Variants in TTLL11 observed in about 807,000 individuals in gnomAD.
TTLL11 encodes tubulin tyrosine ligase like 11.
A neutral mutation model predicts 51.7 loss-of-function variants in TTLL11; 42 were observed. The observed-to-expected ratio is 0.81, with a 90% CI of 0.64 to 1.05. The LOEUF (loss-of-function observed/expected upper bound fraction) is 1.05, where lower values mean the gene tolerates loss of function less well. Ranked by LOEUF, TTLL11 falls within the 50% of genes least tolerant of loss-of-function variation. The probability of loss-of-function intolerance (pLI) is 0.00; values close to 1 mark genes in which losing one functional copy is unlikely to be tolerated. For synonymous variants in TTLL11, 381 were observed against 383.5 expected (o/e 0.99, Z 0.08); for missense variants, 799 against 940.4 (o/e 0.85, Z 1.97).
rs1207231392 is a variant in TTLL11 at position 121,822,978 on chromosome 9, C to G, written c.1841-99G>C. The G allele has an allele frequency of 6.8e-6, 9 of 1,326,304 alleles. No individual in the cohort carries two copies. In the East Asian group the frequency reaches 2.3e-4, roughly 34 times the overall value. 82.2% of individuals were successfully genotyped at this position (1,326,304 alleles called of 1,614,324 possible). Reference sequence around the variant, plus strand: ...CACAAGGATGTCAGCAAGAGCTAGCCCCGCTCCCCACCACCGTCTCCATTC... The same window carrying G: ...CACAAGGATGTCAGCAAGAGCTAGCGCCGCTCCCCACCACCGTCTCCATTC... On this transcript the variant is annotated intron_variant, in intron 8 of 8. Transcript: ENST00000321582. This position sits in a 1 kb window ranked among gnomAD's most constrained non-coding sequence, Gnocchi z 5.8.
At position 121,818,898 on chromosome 9, in the gene TTLL11, T is replaced by C. The variant is rs1836488821; in HGVS notation, c.*3689A>G. The C allele has an allele frequency of 6.6e-6, 1 of 152,510 alleles. No homozygotes were observed. Among genetic ancestry groups the C allele is most frequent in the Admixed American group, 6.5e-5 (1 of 15,290 alleles). 9.4% of individuals were successfully genotyped at this position (152,510 alleles called of 1,614,324 possible). Reference sequence around the variant, plus strand: ...AGGGAAGGGTGCCGATAAGGGCTGCTTTCAATAGGTGACTGGACGTCAGCT... The same window carrying C: ...AGGGAAGGGTGCCGATAAGGGCTGCCTTCAATAGGTGACTGGACGTCAGCT... On this transcript the variant is annotated 3_prime_UTR_variant, in exon 9 of 9. Coordinates refer to ENST00000321582, the MANE Select transcript of TTLL11 (RefSeq NM_001139442.2).
intron 6 of TTLL11, among the ~76,000 whole-genome samples, chr9:121,899,017 C>G (rs902081255): frequency 8.5e-5 from 13 of 152,130 alleles, no homozygotes; most frequent in Non-Finnish European, 1.6e-4. Flanking sequence ...GCTCCATCAG[C>G]CCCTGTGCTC....
At chr9:121,915,515 G>A (rs1043379388) in intron 6 of TTLL11, among the ~76,000 whole-genome samples, 14 of 152,278 alleles carry the variant, frequency 9.2e-5, no homozygotes, top group Admixed American at 7.8e-4. Context: ...TGCTTAGATA[G>A]ATGCCTGTCC....
chr9:121,991,557 A>T (rs1316233200), intron 3 of TTLL11, among the ~76,000 whole-genome samples: 1 of 152,238 alleles, frequency 6.6e-6, no homozygotes, highest in East Asian at 1.9e-4. Context: ...AAAAATGTCA[A>T]GTTTGCACTG....
chr9:121,908,843 T>A (rs1840024506), intron 6 of TTLL11, among the ~76,000 whole-genome samples: 1 of 152,226 alleles, frequency 6.6e-6, no homozygotes, highest in Non-Finnish European at 1.5e-5. Context: ...CTAAGGTAAT[T>A]AGGGCCTACT....
At chr9:121,938,301 A>T (rs930931109) in intron 6 of TTLL11, among the ~76,000 whole-genome samples, 2 of 151,926 alleles carry the variant, frequency 1.3e-5, no homozygotes, top group African/African-American at 2.4e-5. Flanking sequence ...AAAGAAAAAA[A>T]AAAAAATCAG....
At chr9:122,016,939 C>G (rs766715362) in intron 3 of TTLL11, among the ~76,000 whole-genome samples, 17 of 152,134 alleles carry the variant, frequency 1.1e-4, no homozygotes, top group Non-Finnish European at 2.5e-4. Flanking sequence ...GCATCCGCCT[C>G]GACTCTTCAC....
chr9:121,922,789 A>ATGTGTGTGTG (rs1840590732), intron 6 of TTLL11, among the ~76,000 whole-genome samples: 7 of 62,850 alleles, frequency 1.1e-4, no homozygotes, highest in Non-Finnish European at 2.2e-4. Context: ...GTGTGTGTGC[A>ATGTGTGTGTG]TGCACATGTG....
chr9:122,007,655 A>G (rs574420872), intron 3 of TTLL11, among the ~76,000 whole-genome samples: 1 of 152,344 alleles, frequency 6.6e-6, no homozygotes, highest in African/African-American at 2.4e-5. Flanking sequence ...AGATAGTTAA[A>G]TCAGAAGGCA....
chr9:121,872,759 A>C (rs1418801132), intron 6 of TTLL11, among the ~76,000 whole-genome samples: 2 of 152,212 alleles, frequency 1.3e-5, no homozygotes, highest in Non-Finnish European at 2.9e-5. Context: ...GAAGCAGAGA[A>C]GCATGAGGGA....
chr9:121,848,205 G>A (rs542575145), intron 8 of TTLL11, among the ~76,000 whole-genome samples: 97 of 147,924 alleles, frequency 6.6e-4, no homozygotes, highest in African/African-American at 2.2e-3. Context: ...AGACCCTATC[G>A]CTAAGGAAAA....
chr9:121,903,655 T>G (rs1424385089), intron 6 of TTLL11, among the ~76,000 whole-genome samples: 1 of 152,224 alleles, frequency 6.6e-6, no homozygotes, highest in African/African-American at 2.4e-5. Flanking sequence ...TGAGATTACA[T>G]GTATTTATTT....
At chr9:121,869,446 C>G (rs1838278017) in intron 7 of TTLL11, among the ~76,000 whole-genome samples, 1 of 152,192 alleles carries the variant, frequency 6.6e-6, no homozygotes, top group African/African-American at 2.4e-5. Context: ...AGCAGACATC[C>G]TCCTTGAGGT....
intron 3 of TTLL11, among the ~76,000 whole-genome samples, chr9:122,025,506 G>A (rs1436694738): frequency 1.3e-5 from 2 of 152,164 alleles, no homozygotes; most frequent in Non-Finnish European, 2.9e-5. Context: ...GGTGGCCTGT[G>A]CCTGTAGTTC....
At chr9:122,056,274 G>A (rs1398015326) in intron 1 of TTLL11, among the ~76,000 whole-genome samples, 6 of 152,048 alleles carry the variant, frequency 3.9e-5, no homozygotes, top group South Asian at 2.1e-4. Flanking sequence ...CAAGAGACTC[G>A]AGTCATACAA....
At chr9:122,071,628 G>T (rs370170918) in intron 1 of TTLL11, among the ~76,000 whole-genome samples, 25 of 152,240 alleles carry the variant, frequency 1.6e-4, no homozygotes, top group African/African-American at 5.5e-4. Flanking sequence ...GGTGCAGCAC[G>T]GGATGAAGGA....
chr9:122,076,921 A>T (rs1407550480), intron 1 of TTLL11, among the ~76,000 whole-genome samples: 1 of 152,212 alleles, frequency 6.6e-6, no homozygotes, highest in East Asian at 1.9e-4. Context: ...AAGGGATTTT[A>T]AAAACAGCCA....
intron 8 of TTLL11, among the ~76,000 whole-genome samples, chr9:121,856,700 C>T (rs992702838): frequency 2.0e-4 from 31 of 152,260 alleles, no homozygotes; most frequent in African/African-American, 7.0e-4. Context: ...CAGGCTCTAT[C>T]ATTCTTCACA....
intron 1 of TTLL11, among the ~76,000 whole-genome samples, chr9:122,074,144 C>A (rs569435641): frequency 6.6e-6 from 1 of 151,944 alleles, no homozygotes; most frequent in Admixed American, 6.6e-5. Context: ...TGTGGTGGTG[C>A]GCACATATAA....
Sources: gnomAD v4.1 joint callset for allele counts (sites outside exome capture counted in the v4.1 genomes callset) on GRCh38, gnomAD v4.1.1 for gene constraint, Gnocchi (gnomAD v3.1) non-coding constraint, MANE v1.5 for transcripts, NCBI Gene and HGNC (gene_info 2026-07-23, HGNC 2026-07-21) for gene names.